PLSCR2: variants seen among roughly 807,000 people sequenced by gnomAD.
PLSCR2 encodes PL scramblase 2.
PLSCR2 carries 18 observed loss-of-function variants against 25.3 expected under a neutral mutation model. That is an observed-to-expected ratio of 0.71 (90% CI 0.49 to 1.06). PLSCR2 has a LOEUF of 1.06. PLSCR2 is among the 50% of genes least tolerant of loss of function. PLSCR2 has a pLI of 0.00. For missense variants in PLSCR2, 243 were observed against 269.5 expected, an observed-to-expected ratio of 0.90 and a Z score of 0.69; for synonymous variants, 88 against 87.3, an observed-to-expected ratio of 1.01 and a Z score of -0.04.
chr3:146,478,503 A>G (rs2043008298), intron 1 of PLSCR2, among the ~76,000 whole-genome samples: 1 of 152,212 alleles, frequency 6.6e-6, no homozygotes, highest in Admixed American at 6.5e-5. Flanking sequence ...GTGATTGAAG[A>G]TCAAATTAAT....
chr3:146,441,354 T>A (rs1576633221), downstream of PLSCR2, among the ~76,000 whole-genome samples: 1 of 152,028 alleles, frequency 6.6e-6, no homozygotes, highest in Admixed American at 6.6e-5. Context: ...TGCATATTAA[T>A]TTTTACATAA....
chr3:146,492,003 C>G (rs1371619628), intron 1 of PLSCR2, among the ~76,000 whole-genome samples: 1 of 152,080 alleles, frequency 6.6e-6, no homozygotes, highest in African/African-American at 2.4e-5. Flanking sequence ...TTGGATGGGT[C>G]TTTGTGTTTT....
chr3:146,490,522 T>C (rs1366528408), intron 1 of PLSCR2, among the ~76,000 whole-genome samples: 1 of 152,176 alleles, frequency 6.6e-6, no homozygotes. Context: ...TAAGAACTTG[T>C]TTTATGAATC....
chr3:146,433,647 G>A (rs2039643969), intron 8 of PLSCR2, 130 bp from the exon 8 acceptor site: 1 of 152,066 alleles, frequency 6.6e-6, no homozygotes, highest in African/African-American at 2.4e-5. Flanking sequence ...TTCTCTAATT[G>A]GCACAACTAA....
intron 6 of PLSCR2, among the ~76,000 whole-genome samples, chr3:146,446,064 A>C (rs560769932): frequency 2.6e-5 from 4 of 152,216 alleles, no homozygotes; most frequent in Admixed American, 2.0e-4. Context: ...GTGTTAACTT[A>C]TATTTTGTTG....
intron 5 of PLSCR2, among the ~76,000 whole-genome samples, chr3:146,452,886 C>T (rs1196317993): frequency 6.6e-6 from 1 of 151,832 alleles, no homozygotes; most frequent in Non-Finnish European, 1.5e-5. Context: ...CACTCACATA[C>T]CCACACACCC....
chr3:146,472,134 A>G (rs2042138477), intron 1 of PLSCR2, among the ~76,000 whole-genome samples: 1 of 152,296 alleles, frequency 6.6e-6, no homozygotes, highest in East Asian at 1.9e-4. Context: ...CATGCTGTGT[A>G]TGGTTACAGT....
rs562947956 is a variant in PLSCR2, at chr3:146,453,202, G to T, written c.483+800C>A. On this transcript the variant is annotated intron_variant, in intron 5 of 6. Transcript: ENST00000610787. The stretch of plus-strand genomic sequence containing the variant: ...GTGCTAAACCTTAGGAAGATGTGGG[G>T]ACACTGTCAGAGTTCCCACATTTTA... Among the ~76,000 whole-genome samples, 9 of 152,090 alleles carry T rather than the reference G, an allele frequency of 5.9e-5. No individual in the cohort carries two copies. In the East Asian group the frequency reaches 1.7e-3, roughly 29 times the overall value.
chr3:146,467,125 T>A (rs2041907344), intron 1 of PLSCR2, among the ~76,000 whole-genome samples: 1 of 152,224 alleles, frequency 6.6e-6, no homozygotes. Context: ...GGTACACATA[T>A]GTGTACATAC....
chr3:146,467,955 A>T (rs2041942627), intron 1 of PLSCR2, among the ~76,000 whole-genome samples: 2 of 152,178 alleles, frequency 1.3e-5, no homozygotes, highest in Non-Finnish European at 2.9e-5. Flanking sequence ...TGAGGATGGA[A>T]AGGTGCACAA....
chr3:146,392,774 A>G (rs1019209643), intron 3 of PLSCR2, among the ~76,000 whole-genome samples: 13 of 150,606 alleles, frequency 8.6e-5, no homozygotes, highest in Admixed American at 7.3e-4. Context: ...CTAGAGTACA[A>G]GTATGGGTAC....
At chr3:146,460,834 T>C (rs1440871913), upstream of PLSCR2, among the ~76,000 whole-genome samples, 2 of 152,212 alleles carry the variant, frequency 1.3e-5, no homozygotes, top group Non-Finnish European at 2.9e-5. Context: ...GCCAATGGGT[T>C]ACGAGGAGTT....
chr3:146,469,529 G>A, intron 1 of PLSCR2: 1 of 985,380 alleles, frequency 1.0e-6, no homozygotes, highest in African/African-American at 1.7e-5. Flanking sequence ...AGCCCTGAGC[G>A]AGCCGAGGTC....
intron 3 of PLSCR2, among the ~76,000 whole-genome samples, 170 bp from the exon 4 acceptor site, chr3:146,455,629 G>A (rs1282228426): frequency 6.6e-6 from 1 of 152,144 alleles, no homozygotes; most frequent in Non-Finnish European, 1.5e-5. Flanking sequence ...AAAAGAGGAA[G>A]TTAGGCTATT....
At position 146,404,090 on chromosome 3, in the gene PLSCR2, T is replaced by C. The variant is rs771395125; in HGVS notation, c.101-8169A>G. Among the ~76,000 whole-genome samples the C allele has an allele frequency of 4.6e-5, 7 of 152,098 alleles. 1 individual carries two copies. Among genetic ancestry groups the C allele is most frequent in the Admixed American group, 4.6e-4 (7 of 15,272 alleles). ...TAGCCTGTGTTCTGACCCTAGCCAA[T>C]AGAAGAATGGTACAGCAGTAGGGAC... On this transcript the variant is annotated intron_variant and NMD_transcript_variant, in intron 2 of 3. Transcript: ENST00000463633.
intron 2 of PLSCR2, among the ~76,000 whole-genome samples, chr3:146,422,272 CAGGGTGATATTTT>C (rs1243477660): frequency 6.6e-6 from 1 of 152,024 alleles, no homozygotes; most frequent in African/African-American, 2.4e-5. Context: ...TTCAAGTCTC[CAGGGTGATATTTT>C]AGATTTTGAG....
chr3:146,394,906 T>C (rs543391160), intron 3 of PLSCR2, among the ~76,000 whole-genome samples: 1 of 152,310 alleles, frequency 6.6e-6, no homozygotes, highest in East Asian at 1.9e-4. Flanking sequence ...CTGATGATTT[T>C]ATATGCATCT....
At chr3:146,485,409 A>G (rs2043304982) in intron 1 of PLSCR2, among the ~76,000 whole-genome samples, 1 of 152,102 alleles carries the variant, frequency 6.6e-6, no homozygotes, top group Admixed American at 6.5e-5. Flanking sequence ...AAAATTAACA[A>G]GAATATCTAA....
At chr3:146,424,612 C>G (rs921645335) in intron 2 of PLSCR2, among the ~76,000 whole-genome samples, 2 of 152,030 alleles carry the variant, frequency 1.3e-5, no homozygotes, top group African/African-American at 4.8e-5. Context: ...TTTATAGTTT[C>G]AGTTACCAGC....
Sources: gnomAD v4.1 joint callset for allele counts (sites outside exome capture counted in the v4.1 genomes callset) on GRCh38, gnomAD v4.1.1 for gene constraint, MANE v1.5 for transcripts, NCBI Gene and HGNC (gene_info 2026-07-23, HGNC 2026-07-21) for gene names.